Variants in NALF2 observed in about 807,000 individuals in gnomAD.
NALF2 encodes bB57D9.1 (TED protein).
Under a neutral mutation model 24.8 loss-of-function variants are expected in NALF2, and 1 was observed. The observed-to-expected ratio is 0.04, with a 90% CI of 0.01 to 0.19. NALF2 has a LOEUF of 0.19. Among genes scored for constraint, NALF2 ranks in the 10% least tolerant of loss-of-function variants. The probability of loss-of-function intolerance (pLI) is 1.00; values close to 1 mark genes in which losing one functional copy is unlikely to be tolerated. For synonymous variants in NALF2, 254 were observed against 189.8 expected (o/e 1.34, Z -2.78); for missense variants, 458 against 409.6 (o/e 1.12, Z -1.02).
intron 1 of NALF2, among the ~76,000 whole-genome samples, chrX:69,508,652 G>A (rs1413471773): frequency 1.8e-5 from 2 of 111,553 alleles, no homozygotes; most frequent in Non-Finnish European, 3.8e-5. Context: ...TGGGCACGAA[G>A]GGAAAAGACA....
At chrX:69,524,798 A>C (rs1930782674) in intron 1 of NALF2, among the ~76,000 whole-genome samples, 1 of 111,810 alleles carries the variant, frequency 8.9e-6, no homozygotes, top group Non-Finnish European at 1.9e-5. Flanking sequence ...ACCCCAGGCT[A>C]CCTCTGAGGC....
rs1930873337 is a variant in NALF2, at chrX:69,529,892, G to T, written c.1355G>T (p.Gly452Val). The part of the protein sequence containing the change: ...HTVVSFSSNQ[G>V]GGGLGLETLP... ...GTGGTGTCCTTCTCCAGCAACCAGG[G>T]TGGTGGGGGATTGGGGCTGGAGACA... Residue 452 changes from glycine to valine, a missense_variant, in exon 3 of 3, where the codon GGT becomes GTT. By Grantham distance (109) the Gly-to-Val change is moderately radical. Transcript: ENST00000252338. 8.3e-7 allele frequency: 1 copy of T among 1,209,481 alleles called. No individual in the cohort carries two copies. The highest frequency in any genetic ancestry group is 2.2e-5 in the Admixed American group (1 of 45,806).
intron 1 of NALF2, among the ~76,000 whole-genome samples, chrX:69,520,567 T>C (rs762105242): frequency 9.0e-6 from 1 of 111,682 alleles, no homozygotes; most frequent in Non-Finnish European, 1.9e-5. Context: ...AGACCCTCCT[T>C]CTGAGCTGAC....
In NALF2 at chrX:69,505,235, T is replaced by C; in HGVS notation, c.-48T>C. On this transcript the variant is annotated 5_prime_UTR_variant, in exon 1 of 3. Coordinates refer to ENST00000252338, the MANE Select transcript of NALF2 (RefSeq NM_015686.3). ...GCAGCCCGCCCGCCCCAGACGGCCG[T>C]CTGGCCTCGCGCCTGCCTGTTCCCT... 1 of 1,098,484 alleles carries C rather than the reference T, an allele frequency of 9.1e-7. No homozygotes were observed. Among genetic ancestry groups the C allele is most frequent in the Non-Finnish European group, 1.2e-6 (1 of 840,493 alleles). The allele number at this position is 1,098,484 out of a possible 1,213,427, so 90.5% of individuals were successfully genotyped here.
Position 69,530,098 on chromosome X carries a change from C to G in NALF2, c.*142C>G. 2.1e-6 allele frequency: 1 copy of G among 466,673 alleles called. No homozygotes were observed. The highest frequency in any genetic ancestry group is 3.5e-6 in the Non-Finnish European group (1 of 283,001). 38.5% of individuals were successfully genotyped at this position (466,673 alleles called of 1,213,427 possible). A position where few individuals can be genotyped will look rare whatever the true frequency, so the allele number is the denominator to read the frequency against. On this transcript the variant is annotated 3_prime_UTR_variant, in exon 3 of 3. Transcript: ENST00000252338. The stretch of plus-strand genomic sequence containing the variant: ...GGGGGAATGACACATCCCCCCCAAC[C>G]TACCCCCACCCCAAAAGCAGCTCCA...
chrX:69,529,992 C>T lies in NALF2; in HGVS notation c.*36C>T. The T allele has an allele frequency of 9.3e-7, 1 of 1,074,141 alleles. No individual in the cohort carries two copies. Among genetic ancestry groups the T allele is most frequent in the East Asian group, 3.1e-5 (1 of 32,026 alleles). The allele number at this position is 1,074,141 out of a possible 1,213,427, so 88.5% of individuals were successfully genotyped here. A position where few individuals can be genotyped will look rare whatever the true frequency, so the allele number is the denominator to read the frequency against. On this transcript the variant is annotated 3_prime_UTR_variant, in exon 3 of 3. Coordinates refer to ENST00000252338, the MANE Select transcript of NALF2 (RefSeq NM_015686.3). ...GGAGGACAGACCTCCACCACACTGACATCAGCTCCAGCTCCCCCAGGTTGG... is the reference window on the plus strand; with the variant it reads ...GGAGGACAGACCTCCACCACACTGATATCAGCTCCAGCTCCCCCAGGTTGG...
rs759273141 is a variant in NALF2 at position 69,505,856 on chromosome X, C to G, written c.574C>G (p.Arg192Gly). 8.3e-7 allele frequency: 1 copy of G among 1,211,527 alleles called. No homozygotes were observed. The highest frequency in any genetic ancestry group is 1.7e-5 in the African/African-American group (1 of 57,692). ...AAAAAACTTGCTCAAAGGCCACTTT[C>G]GGAACTTCACTCTCTCCTTTTGCGA... ...AKKNLLKGHF[R>G]NFTLSFCDTY... The change falls in exon 1 of 3, where the codon CGG becomes GGG. Residue 192 changes from arginine (R) to glycine (G), a missense_variant. By Grantham distance (125) the Arg-to-Gly change is moderately radical. Transcript: ENST00000252338.
intron 1 of NALF2, among the ~76,000 whole-genome samples, chrX:69,511,981 C>G (rs946877762): frequency 3.6e-5 from 4 of 111,360 alleles, no homozygotes; most frequent in Non-Finnish European, 7.5e-5. Context: ...TCCTTTGGGG[C>G]AGTTATTCTG....
Position 69,504,745 on chromosome X carries a change from C to A in NALF2, c.-538C>A, listed in dbSNP as rs1203342043. On this transcript the variant is annotated 5_prime_UTR_variant, in exon 1 of 3. Coordinates refer to ENST00000252338, the MANE Select transcript of NALF2 (RefSeq NM_015686.3). ...AGGGCGCGAGCGAGGCAGGGAGCGGCGTGGAGCGGGCAGCGGGCGGACGGG... is the reference window on the plus strand; with the variant it reads ...AGGGCGCGAGCGAGGCAGGGAGCGGAGTGGAGCGGGCAGCGGGCGGACGGG... Among the ~76,000 whole-genome samples the A allele has an allele frequency of 9.1e-6, 1 of 109,766 alleles. No homozygotes were observed. Among genetic ancestry groups the A allele is most frequent in the Non-Finnish European group, 1.9e-5 (1 of 52,091 alleles).
In NALF2 at chrX:69,505,644, T is replaced by A. The variant is rs1347164502; in HGVS notation, c.362T>A (p.Leu121Gln). The A allele has an allele frequency of 1.8e-5, 22 of 1,197,388 alleles. No individual in the cohort carries two copies. Among genetic ancestry groups the A allele is most frequent in the Non-Finnish European group, 2.4e-5 (21 of 892,131 alleles). ...PGTCGPRYSNLTKAAPAAGSR... is the reference protein window; with the variant it reads ...PGTCGPRYSNQTKAAPAAGSR... The stretch of plus-strand genomic sequence containing the variant: ...ACCTGCGGCCCCAGATACAGCAACC[T>A]GACCAAAGCCGCCCCCGCCGCCGGC... The change falls in exon 1 of 3, where the codon CTG (leucine) becomes CAG (glutamine). Residue 121 changes from leucine to glutamine, a missense_variant. Transcript: ENST00000252338.
At chrX:69,510,875 C>A (rs1930571264) in intron 1 of NALF2, among the ~76,000 whole-genome samples, 1 of 71,005 alleles carries the variant, frequency 1.4e-5, no homozygotes, top group Admixed American at 2.2e-4. Flanking sequence ...TGTCCTTGGA[C>A]CCAGTGACAA....
intron 1 of NALF2, among the ~76,000 whole-genome samples, chrX:69,514,438 A>G (rs1186702134): frequency 3.6e-5 from 4 of 111,492 alleles, no homozygotes; most frequent in African/African-American, 1.3e-4. Context: ...TTGTATATCT[A>G]TGCCACATTT....
At chrX:69,516,434 C>G (rs1486704284) in intron 1 of NALF2, among the ~76,000 whole-genome samples, 1 of 112,175 alleles carries the variant, frequency 8.9e-6, no homozygotes, top group African/African-American at 3.2e-5. Flanking sequence ...CTCTAACTCT[C>G]TATCTAACTG....
intron 1 of NALF2, among the ~76,000 whole-genome samples, chrX:69,526,262 C>T (rs927554141): frequency 9.0e-6 from 1 of 111,686 alleles, no homozygotes; most frequent in African/African-American, 3.3e-5. Context: ...GCCCATTTAC[C>T]TCATCTCTAC....
chrX:69,504,529 C>T lies in NALF2; in HGVS notation c.-754C>T, dbSNP rs761985813. 8.8e-6 allele frequency among the ~76,000 whole-genome samples: 1 copy of T among 113,270 alleles called. No individual in the cohort carries two copies. The highest frequency in any genetic ancestry group is 3.2e-5 in the African/African-American group (1 of 31,369). ...ACGAGAGGCGGAAGCGAGAGGCGCA[C>T]TAAGTAAAGCCCGGTGTCTGCGTCC... On this transcript the variant is annotated 5_prime_UTR_variant, in exon 1 of 3. Coordinates refer to ENST00000252338, the MANE Select transcript of NALF2 (RefSeq NM_015686.3).
chrX:69,529,516 G>C (rs1159166168), intron 2 of NALF2, 55 bp from the exon 3 acceptor site: 2 of 1,156,317 alleles, frequency 1.7e-6, no homozygotes, highest in East Asian at 3.0e-5. Context: ...CCCTAGGTAA[G>C]GCATAGCTAT....
rs1232268070 is a variant in NALF2 at position 69,508,195 on chromosome X, A to G, written c.861+2052A>G. Among the ~76,000 whole-genome samples, 5 of 111,872 alleles carry G rather than the reference A, an allele frequency of 4.5e-5. No homozygotes were observed. The South Asian group carries it at 1.5e-3, about 34-fold the overall frequency. On this transcript the variant is annotated intron_variant, in intron 1 of 2. Coordinates refer to ENST00000252338, the MANE Select transcript of NALF2 (RefSeq NM_015686.3). Reference sequence around the variant, plus strand: ...TGCAGATGTATTTTGTAATAAGAATATAACATCTGACATTAATGTAATGCT... The same window carrying G: ...TGCAGATGTATTTTGTAATAAGAATGTAACATCTGACATTAATGTAATGCT...
chrX:69,516,870 T>G (rs1930669252), intron 1 of NALF2, among the ~76,000 whole-genome samples: 1 of 111,949 alleles, frequency 8.9e-6, no homozygotes, highest in Admixed American at 9.4e-5. Flanking sequence ...AATGATCATT[T>G]GTAGCACCTA....
rs1347354145 is a variant in NALF2, at chrX:69,504,908, G to C, written c.-375G>C. On this transcript the variant is annotated 5_prime_UTR_variant, in exon 1 of 3. Transcript: ENST00000252338. ...TGCGAGCCGGGCGGCCGCCGGCGCG[G>C]AGTGAAGTGGCACGGAGCCGAGGGC... Among the ~76,000 whole-genome samples, 7 of 107,630 alleles carry C rather than the reference G, an allele frequency of 6.5e-5. No individual in the cohort carries two copies. Among genetic ancestry groups the C allele is most frequent in the African/African-American group, 2.3e-4 (7 of 30,403 alleles). The allele number at this position is 107,630 out of a possible 115,157, so 93.5% of individuals were successfully genotyped here.
Sources: allele counts gnomAD v4.1 joint callset (sites outside exome capture counted in the v4.1 genomes callset), GRCh38; gene constraint gnomAD v4.1.1; transcripts MANE v1.5; gene names NCBI Gene and HGNC (gene_info 2026-07-23, HGNC 2026-07-21).